Variants in PUM3 observed in about 807,000 individuals in gnomAD.
The protein encoded by PUM3 is pumilio homolog 3.
A neutral mutation model predicts 84.0 loss-of-function variants in PUM3; 91 were observed. The ratio of observed to expected loss-of-function variants is 1.08; its 90% CI spans 0.91 to 1.29. The LOEUF (loss-of-function observed/expected upper bound fraction) is 1.29. PUM3 is among the 50% of genes most tolerant of loss of function. PUM3 has a pLI of 0.00. For missense variants in PUM3, 1,067 were observed against 767.5 expected (o/e 1.39, Z -4.61); for synonymous variants, 321 against 266.7 (o/e 1.20, Z -1.98).
intron 13 of PUM3, among the ~76,000 whole-genome samples, chr9:2,817,087 A>G (rs1237208052): frequency 6.6e-6 from 1 of 152,254 alleles, no homozygotes; most frequent in Non-Finnish European, 1.5e-5. Flanking sequence ...TAAGTGCCTT[A>G]GAGAAACTTA....
chr9:2,814,295 T>C (rs1212996237), intron 13 of PUM3, among the ~76,000 whole-genome samples: 1 of 76,974 alleles, frequency 1.3e-5, no homozygotes, highest in African/African-American at 6.0e-5. Context: ...CGCTGCCATC[T>C]CTGCCTCCTG....
intron 6 of PUM3, 109 bp downstream of exon 6, chr9:2,831,142 G>A: frequency 1.0e-6 from 1 of 993,816 alleles, no homozygotes; most frequent in Non-Finnish European, 1.5e-6. Context: ...AGGATCTGGA[G>A]AAGACAAACC....
Position 2,834,145 on chromosome 9 carries a change from T to G in PUM3, c.326A>C (p.Lys109Thr). ...CTTCTTCTTTTTGAAGTCATCCCAT[T>G]TGGGCTTCTTGGCTGCTGATTCTAG... ...RSDESAAKKPKWDDFKKKKKE... is the reference protein window; with the variant it reads ...RSDESAAKKPTWDDFKKKKKE... Residue 109 changes from lysine to threonine, a missense_variant, in exon 4 of 18, where the codon AAA becomes ACA. Physicochemically the swap from Lys to Thr is moderately conservative, Grantham distance 78. Transcript: ENST00000397885. 1 of 1,612,690 alleles carries G rather than the reference T, an allele frequency of 6.2e-7. No homozygotes were observed. Among genetic ancestry groups the G allele is most frequent in the Non-Finnish European group, 8.5e-7 (1 of 1,179,454 alleles).
intron 1 of PUM3, among the ~76,000 whole-genome samples, chr9:2,841,610 G>C (rs1376636507): frequency 6.6e-6 from 1 of 151,488 alleles, no homozygotes. Flanking sequence ...TTTCAGACAA[G>C]ATGTTTGGAG....
chr9:2,807,718 C>T lies in PUM3; in HGVS notation c.1814+96G>A, dbSNP rs73394618. 6.9e-3 allele frequency: 4,898 copies of T among 707,008 alleles called. 181 individuals are homozygous for T. The African/African-American group carries it at 0.078, about 11-fold the overall frequency. The allele number at this position is 707,008 out of a possible 1,614,324, so 43.8% of individuals were successfully genotyped here. A position where few individuals can be genotyped will look rare whatever the true frequency, so the allele number is the denominator to read the frequency against. ...AGTGACTGGGAGTAATATTAGACTA[C>T]TGAGAACAAATATTAGAACTGAGAA... is the stretch of plus-strand genomic sequence containing the variant. On this transcript the variant is annotated intron_variant, in intron 17 of 17. Transcript: ENST00000397885.
In PUM3 at chr9:2,838,551, C is replaced by T. The variant is rs781708169; in HGVS notation, c.-10-34G>A. ...CCAAAACCAAAACCAAAAACAATCA[C>T]TGCAGTTCTCTTCATCAAATAAGAG... On this transcript the variant is annotated intron_variant, in intron 1 of 17. Transcript: ENST00000397885. The T allele has an allele frequency of 1.0e-5, 13 of 1,274,168 alleles. No individual in the cohort carries two copies. The East Asian group carries it at 3.0e-4, about 29-fold the overall frequency. The allele number at this position is 1,274,168 out of a possible 1,614,324, so 78.9% of individuals were successfully genotyped here. A position where few individuals can be genotyped will look rare whatever the true frequency, so the allele number is the denominator to read the frequency against.
In PUM3 at chr9:2,839,983, T is replaced by C. The variant is rs975671516; in HGVS notation, c.-10-1466A>G. ...TGGAGTTTACCAGTTTTTCCACTAA[T>C]ATCCTCTTTCTGTACCAGGATACAC... On this transcript the variant is annotated intron_variant, in intron 1 of 17. Transcript: ENST00000397885. Among the ~76,000 whole-genome samples the C allele has an allele frequency of 5.9e-5, 9 of 152,328 alleles. No individual in the cohort carries two copies. In the East Asian group the frequency reaches 1.4e-3, roughly 23 times the overall value.
intron 3 of PUM3, among the ~76,000 whole-genome samples, chr9:2,834,509 T>G (rs768427249): frequency 2.0e-4 from 31 of 152,340 alleles, no homozygotes; most frequent in Non-Finnish European, 4.1e-4. Context: ...GGACTTTAGG[T>G]ATAATTAACT....
chr9:2,810,259 A>C lies in PUM3; in HGVS notation c.1723+85T>G. 3.5e-6 allele frequency: 3 copies of C among 862,738 alleles called. No homozygotes were observed. The Middle Eastern group carries it at 7.1e-4, about 204-fold the overall frequency. 53.4% of individuals were successfully genotyped at this position (862,738 alleles called of 1,614,324 possible). A position where few individuals can be genotyped will look rare whatever the true frequency, so the allele number is the denominator to read the frequency against. ...CACTTGGCAAACTTCATTTGAGCTT[A>C]AATGGCTGGTATAAAGTTCAGGGAT... On this transcript the variant is annotated intron_variant, in intron 16 of 17. Coordinates refer to ENST00000397885, the MANE Select transcript of PUM3 (RefSeq NM_014878.5).
At chr9:2,829,022 C>A (rs1046335262) in intron 8 of PUM3, among the ~76,000 whole-genome samples, 1 of 152,198 alleles carries the variant, frequency 6.6e-6, no homozygotes, top group African/African-American at 2.4e-5. Context: ...CAGTTACTTG[C>A]CAAGCACCTA....
In PUM3 at chr9:2,834,062, G is replaced by C. The variant is rs372409722; in HGVS notation, c.409C>G (p.Arg137Gly). The C allele has an allele frequency of 1.2e-6, 2 of 1,613,118 alleles. No homozygotes were observed. Among genetic ancestry groups the C allele is most frequent in the Non-Finnish European group, 1.7e-6 (2 of 1,179,546 alleles). ...SDKTNYDIVV[R>G]AKQMWEILRR... is the part of the protein sequence containing the mutation. The stretch of plus-strand genomic sequence containing the variant: ...AAAATCTCCCACATCTGCTTTGCCC[G>C]AACAACAATGTCATAGTTGGTTTTA... The change falls in exon 4 of 18, where the codon CGG becomes GGG. Residue 137 changes from arginine to glycine, a missense_variant. Coordinates refer to ENST00000397885, the MANE Select transcript of PUM3 (RefSeq NM_014878.5).
intron 11 of PUM3, among the ~76,000 whole-genome samples, chr9:2,824,216 T>G (rs565076042): frequency 4.6e-4 from 70 of 152,280 alleles, no homozygotes; most frequent in African/African-American, 1.7e-3. Flanking sequence ...TTAAAAAAAG[T>G]AGATATAGTA....
At chr9:2,835,633 G>A (rs1816102112) in intron 3 of PUM3, among the ~76,000 whole-genome samples, 1 of 152,076 alleles carries the variant, frequency 6.6e-6, no homozygotes, top group Non-Finnish European at 1.5e-5. Flanking sequence ...TATTAATATG[G>A]TATCCTCTAC....
At chr9:2,843,729 C>T (rs369329292) in intron 1 of PUM3, among the ~76,000 whole-genome samples, 6 of 152,136 alleles carry the variant, frequency 3.9e-5, no homozygotes, top group African/African-American at 1.4e-4. Flanking sequence ...CAGGCGCCCG[C>T]CACCATGCCC....
At chr9:2,827,338 T>C (rs925897073) in intron 9 of PUM3, among the ~76,000 whole-genome samples, 187 bp from the exon 10 acceptor site, 8 of 152,204 alleles carry the variant, frequency 5.3e-5, no homozygotes, top group African/African-American at 1.9e-4. Context: ...GATGGTAAAA[T>C]TGATTTAGTG....
chr9:2,809,879 G>A (rs1407534108), intron 16 of PUM3, among the ~76,000 whole-genome samples: 1 of 152,116 alleles, frequency 6.6e-6, no homozygotes, highest in Non-Finnish European at 1.5e-5. Flanking sequence ...AAATAAACAG[G>A]CACTAGTCCA....
At chr9:2,810,951 C>T (rs924510708) in intron 15 of PUM3, among the ~76,000 whole-genome samples, 2 of 152,178 alleles carry the variant, frequency 1.3e-5, no homozygotes, top group East Asian at 1.9e-4. Context: ...TTGGGCTACT[C>T]CTTAGCAAGT....
rs1377917560 is a variant in PUM3, at chr9:2,834,173, A to G, written c.305-7T>C. On this transcript the variant is annotated splice_region_variant and splice_polypyrimidine_tract_variant and intron_variant, in intron 3 of 17. Coordinates refer to ENST00000397885, the MANE Select transcript of PUM3 (RefSeq NM_014878.5). ...GGCTTCTTGGCTGCTGATTCTAGTT[A>G]TTATAGAAATTATTTTCAATTACAT... is the stretch of plus-strand genomic sequence containing the variant. 6.2e-7 allele frequency: 1 copy of G among 1,604,684 alleles called. No individual in the cohort carries two copies. The highest frequency in any genetic ancestry group is 2.2e-5 in the East Asian group (1 of 44,834).
intron 9 of PUM3, among the ~76,000 whole-genome samples, chr9:2,827,601 T>C (rs1395969989): frequency 6.6e-6 from 1 of 152,164 alleles, no homozygotes. Flanking sequence ...AACCAAACAT[T>C]GTCAGCAATT....
Sources: allele counts gnomAD v4.1 joint callset (sites outside exome capture counted in the v4.1 genomes callset), GRCh38; gene constraint gnomAD v4.1.1; transcripts MANE v1.5; gene names NCBI Gene and HGNC (gene_info 2026-07-23, HGNC 2026-07-21).